CCT6B: variants seen among roughly 807,000 people sequenced by gnomAD.
The protein encoded by CCT6B is chaperonin containing TCP1 subunit 6B.
CCT6B carries 49 observed loss-of-function variants against 61.5 expected under a neutral mutation model. The observed-to-expected ratio is 0.80, with a 90% confidence interval of 0.63 to 1.01. CCT6B has a LOEUF of 1.01. CCT6B is among the 50% of genes least tolerant of loss of function. The pLI, the probability that CCT6B is intolerant of heterozygous loss-of-function variation, is 0.00. For synonymous variants in CCT6B, 228 were observed against 214.5 expected (o/e 1.06, Z -0.55); for missense variants, 666 against 634.7 (o/e 1.05, Z -0.53).
Position 34,961,397 on chromosome 17 carries a change from C to T in CCT6B, c.-4G>A. The T allele has an allele frequency of 6.3e-7, 1 of 1,596,386 alleles. No homozygotes were observed. Among genetic ancestry groups the T allele is most frequent in the Non-Finnish European group, 8.5e-7 (1 of 1,175,026 alleles). On this transcript the variant is annotated 5_prime_UTR_variant, in exon 1 of 14. Transcript: ENST00000314144. ...TGACGGCCTTTATCGCAGCCATAGC[C>T]TAACCGTTCAGAGGGAGAAAAAAAA...
Position 34,961,332 on chromosome 17 carries a change from G to T in CCT6B, c.62C>A (p.Ala21Asp). The stretch of plus-strand genomic sequence containing the variant: ...CCCTCGGGCGGCGCATATATTGACA[G>T]CCAAAGCTGCCCGGGCCCGCGCCAC... ...AEVARARAAL[A>D]VNICAARGLQ... Residue 21 changes from alanine to aspartate, a missense_variant, in exon 1 of 14, where the codon GCT becomes GAT. Coordinates refer to ENST00000314144, the MANE Select transcript of CCT6B (RefSeq NM_006584.4). The T allele has an allele frequency of 6.2e-7, 1 of 1,612,826 alleles. No individual in the cohort carries two copies.
Position 34,934,303 on chromosome 17 carries a change from A to G in CCT6B, c.1214-1803T>C, listed in dbSNP as rs184595271. 5.1e-4 allele frequency among the ~76,000 whole-genome samples: 77 copies of G among 152,290 alleles called. 1 individual carries two copies. Among genetic ancestry groups the G allele is most frequent in the Middle Eastern group, 6.8e-3 (2 of 294 alleles). ...AGATATTAAAAAGAATAACAAATGA[A>G]TATTATGATCGACTTTATGACAATA... On this transcript the variant is annotated intron_variant, in intron 10 of 13. Transcript: ENST00000314144.
intron 12 of CCT6B, 74 bp downstream of exon 12, chr17:34,930,875 T>C (rs986938712): frequency 7.3e-6 from 5 of 685,346 alleles, no homozygotes; most frequent in South Asian, 1.9e-5. Context: ...AAACCTCTAC[T>C]CCTTTACCAT....
intron 10 of CCT6B, among the ~76,000 whole-genome samples, chr17:34,935,880 T>C (rs1051670301): frequency 2.0e-5 from 3 of 151,380 alleles, no homozygotes; most frequent in Admixed American, 6.6e-5. Flanking sequence ...AAAAATCATA[T>C]GATCATCTCA....
chr17:34,928,614 T>A (rs2089996353), intron 13 of CCT6B, among the ~76,000 whole-genome samples: 1 of 152,212 alleles, frequency 6.6e-6, no homozygotes, highest in South Asian at 2.1e-4. Flanking sequence ...CCTTTGCTGA[T>A]AAAGTGCATT....
intron 5 of CCT6B, chr17:34,944,187 C>T (rs1481132409): frequency 1.3e-5 from 2 of 152,198 alleles, no homozygotes; most frequent in African/African-American, 4.8e-5. Context: ...TCCCTCCCTA[C>T]TGTCAGCAAA....
At chr17:34,941,549 A>G (rs929272545) in intron 7 of CCT6B, among the ~76,000 whole-genome samples, 9 of 152,352 alleles carry the variant, frequency 5.9e-5, no homozygotes, top group Non-Finnish European at 1.5e-5. Flanking sequence ...AATGTTATTG[A>G]CAACAAATAC....
At chr17:34,932,273 G>A in intron 11 of CCT6B, 94 bp downstream of exon 11, 1 of 1,123,888 alleles carries the variant, frequency 8.9e-7, no homozygotes, top group Non-Finnish European at 1.3e-6. Context: ...ATAAATACCT[G>A]TCTACTCCAT....
chr17:34,945,820 C>T (rs2090217562), intron 5 of CCT6B, among the ~76,000 whole-genome samples: 1 of 152,130 alleles, frequency 6.6e-6, no homozygotes, highest in Non-Finnish European at 1.5e-5. Flanking sequence ...CATTGAAGAG[C>T]TATAAGATAG....
intron 12 of CCT6B, 128 bp from the exon 13 acceptor site, chr17:34,929,162 T>C: frequency 3.2e-6 from 2 of 625,132 alleles, no homozygotes; most frequent in South Asian, 4.3e-5. Context: ...ACCTCCATAT[T>C]GTTAAATCCA....
intron 10 of CCT6B, among the ~76,000 whole-genome samples, chr17:34,938,044 C>T (rs558223671): frequency 6.6e-6 from 1 of 152,026 alleles, no homozygotes; most frequent in East Asian, 1.9e-4. Context: ...TACAGGCCAC[C>T]ACGCCTGGCT....
intron 4 of CCT6B, 31 bp from the exon 5 acceptor site, chr17:34,952,084 T>C (rs772654468): frequency 1.5e-6 from 2 of 1,296,088 alleles, no homozygotes; most frequent in African/African-American, 1.5e-5. Flanking sequence ...AACAGTTAAG[T>C]TATTTGGACT....
intron 5 of CCT6B, among the ~76,000 whole-genome samples, chr17:34,947,453 T>C (rs977572035): frequency 2.6e-5 from 4 of 152,214 alleles, no homozygotes; most frequent in Non-Finnish European, 5.9e-5. Flanking sequence ...GGCTAATTTC[T>C]GTACAGCAAT....
At chr17:34,941,165 A>G (rs1465895064) in intron 7 of CCT6B, among the ~76,000 whole-genome samples, 1 of 152,216 alleles carries the variant, frequency 6.6e-6, no homozygotes, top group Non-Finnish European at 1.5e-5. Context: ...TAGTTTCACT[A>G]TGGAACCATA....
intron 5 of CCT6B, among the ~76,000 whole-genome samples, chr17:34,951,729 A>G (rs528264913): frequency 6.6e-6 from 1 of 152,256 alleles, no homozygotes; most frequent in East Asian, 1.9e-4. Flanking sequence ...GTCCACTATA[A>G]AATCACACAC....
chr17:34,949,245 C>T (rs1378484269), intron 5 of CCT6B, among the ~76,000 whole-genome samples: 1 of 151,682 alleles, frequency 6.6e-6, no homozygotes, highest in Non-Finnish European at 1.5e-5. Flanking sequence ...CGCCTGAGGT[C>T]GGGAGTTCAA....
chr17:34,933,681 T>C (rs193228520), intron 10 of CCT6B, among the ~76,000 whole-genome samples: 1 of 152,212 alleles, frequency 6.6e-6, no homozygotes, highest in Non-Finnish European at 1.5e-5. Flanking sequence ...CTAGAACCTT[T>C]GAAAACTTCC....
chr17:34,942,653 T>A lies in CCT6B; in HGVS notation c.726-10A>T. On this transcript the variant is annotated splice_polypyrimidine_tract_variant and intron_variant, in intron 6 of 13. Transcript: ENST00000314144. ...ACCAGAGTTCACCTCTCTAAAAGATTAATAAAAACCAGCTAGTAAAGGCAG... is the reference window on the plus strand; with the variant it reads ...ACCAGAGTTCACCTCTCTAAAAGATAAATAAAAACCAGCTAGTAAAGGCAG... 1.3e-6 allele frequency: 2 copies of A among 1,571,518 alleles called. 1 individual carries two copies. The highest frequency in any genetic ancestry group is 2.4e-5 in the South Asian group (2 of 83,818).
intron 13 of CCT6B, 65 bp downstream of exon 13, chr17:34,928,897 A>C: frequency 2.1e-6 from 2 of 947,108 alleles, no homozygotes; most frequent in Admixed American, 4.4e-5. Flanking sequence ...AATAGAAAAA[A>C]TTTCATCTTA....
Sources: gnomAD v4.1 joint callset for allele counts (sites outside exome capture counted in the v4.1 genomes callset) on GRCh38, gnomAD v4.1.1 for gene constraint, MANE v1.5 for transcripts, NCBI Gene and HGNC (gene_info 2026-07-23, HGNC 2026-07-21) for gene names.